The following ADCY10 variants were observed in gnomAD, a reference collection of about 807,000 sequenced individuals.
The protein encoded by ADCY10 is adenylate cyclase 10.
Under a neutral mutation model 183.3 loss-of-function variants are expected in ADCY10, and 156 were observed. The ratio of observed to expected loss-of-function variants is 0.85; its 90% confidence interval spans 0.75 to 0.97. The LOEUF (loss-of-function observed/expected upper bound fraction) is 0.97, where lower values mean the gene tolerates loss of function less well. Ranked by LOEUF, ADCY10 falls within the 50% of genes least tolerant of loss-of-function variation. The probability of loss-of-function intolerance (pLI) is 0.00; values close to 1 mark genes in which losing one functional copy is unlikely to be tolerated. For synonymous variants in ADCY10, 645 were observed against 670.0 expected (o/e 0.96, Z 0.58); for missense variants, 1,745 against 1,934.3 (o/e 0.90, Z 1.84).
chr1:167,843,530 C>G (rs2101955813), intron 21 of ADCY10, among the ~76,000 whole-genome samples: 1 of 152,212 alleles, frequency 6.6e-6, no homozygotes, highest in East Asian at 1.9e-4. Flanking sequence ...GGCAGCGCAT[C>G]TTCTCGGTGC....
intron 9 of ADCY10, among the ~76,000 whole-genome samples, chr1:167,882,540 C>A (rs2102263987): frequency 1.3e-5 from 2 of 150,532 alleles, no homozygotes; most frequent in South Asian, 4.2e-4. Context: ...CAGAGGCAGT[C>A]CCCTCCCTGC....
chr1:167,880,661 T>C (rs1307210891), intron 9 of ADCY10, 52 bp from the exon 10 acceptor site: 1 of 1,385,444 alleles, frequency 7.2e-7, no homozygotes, highest in Non-Finnish European at 1.0e-6. Flanking sequence ...TGCTTTAAAC[T>C]GGACTGGCCA....
intron 13 of ADCY10, among the ~76,000 whole-genome samples, chr1:167,874,273 G>A (rs975954374): frequency 1.3e-5 from 2 of 152,200 alleles, no homozygotes; most frequent in Non-Finnish European, 2.9e-5. Context: ...AGAGGTTGTA[G>A]TGAGCCAAGA....
intron 12 of ADCY10, among the ~76,000 whole-genome samples, chr1:167,876,546 G>A (rs1018527609): frequency 1.3e-5 from 2 of 152,172 alleles, no homozygotes; most frequent in Non-Finnish European, 2.9e-5. Flanking sequence ...CTAAGTTTGT[G>A]TATGTTGGTC....
intron 19 of ADCY10, among the ~76,000 whole-genome samples, chr1:167,848,100 C>G (rs1197278101): frequency 6.6e-6 from 1 of 151,854 alleles, no homozygotes; most frequent in Non-Finnish European, 1.5e-5. Context: ...TGGAGTCTCA[C>G]TCTGTCACCC....
intron 14 of ADCY10, among the ~76,000 whole-genome samples, chr1:167,869,473 C>A (rs1042737496): frequency 6.6e-6 from 1 of 152,140 alleles, no homozygotes; most frequent in Non-Finnish European, 1.5e-5. Context: ...TTGTTTTATA[C>A]TCAGAAAAGG....
intron 1 of ADCY10, among the ~76,000 whole-genome samples, chr1:167,909,401 G>C: frequency 6.6e-6 from 1 of 152,186 alleles, no homozygotes; most frequent in Non-Finnish European, 1.5e-5. Context: ...ATACACAGGA[G>C]TGGAATTGCT....
chr1:167,809,684 A>G lies in ADCY10; in HGVS notation c.4827T>C (p.His1609=), dbSNP rs1257377101. Residue 1609 remains histidine, a synonymous_variant, in exon 33 of 33, where the codon CAT becomes CAC. Transcript: ENST00000367851. ...ATCTTTTTTCTTTGACATGTTAGAAATGATTGTCCACGGTATTAGCTCTCA... is the reference window on the plus strand; with the variant it reads ...ATCTTTTTTCTTTGACATGTTAGAAGTGATTGTCCACGGTATTAGCTCTCA... ...FLMRANTVDN[H]F The G allele has an allele frequency of 1.2e-6, 2 of 1,614,028 alleles. No individual in the cohort carries two copies. The highest frequency in any genetic ancestry group is 1.7e-6 in the Non-Finnish European group (2 of 1,179,986).
chr1:167,875,100 A>T, intron 13 of ADCY10, 31 bp downstream of exon 13: 2 of 1,595,058 alleles, frequency 1.3e-6, no homozygotes, highest in African/African-American at 2.7e-5. Flanking sequence ...TAGTTCAATA[A>T]AGAAGTTTAA....
At chr1:167,812,535 G>A (rs1662284285) in intron 31 of ADCY10, among the ~76,000 whole-genome samples, 1 of 152,132 alleles carries the variant, frequency 6.6e-6, no homozygotes. Context: ...CTGGGGAAGA[G>A]GGAGAATTTG....
At chr1:167,894,096 C>A (rs889295678) in intron 7 of ADCY10, among the ~76,000 whole-genome samples, 155 bp from the exon 8 acceptor site, 1 of 152,106 alleles carries the variant, frequency 6.6e-6, no homozygotes, top group Non-Finnish European at 1.5e-5. Context: ...GCTGAAAGGG[C>A]CAGGGGAAAT....
intron 10 of ADCY10, 94 bp from the exon 11 acceptor site, chr1:167,880,285 A>G (rs1379941422): frequency 8.4e-7 from 1 of 1,194,184 alleles, no homozygotes; most frequent in Non-Finnish European, 1.2e-6. Flanking sequence ...TGGGTTGGGA[A>G]AGGGTGGGAA....
rs139094168 is a variant in ADCY10, at chr1:167,824,846, C to A, written c.3760G>T (p.Ala1254Ser). ...TGGTATAGCGAATAGTCTAGGTAAG[C>A]CTTAATGATCTGAAATGGCAGAGTG... ...ETQNCFQIIKAYLDYSLYHHL... is the reference protein window; with the variant it reads ...ETQNCFQIIKSYLDYSLYHHL... The change falls in exon 27 of 33, where the codon GCT (alanine) becomes TCT (serine). Residue 1254 changes from alanine (A) to serine (S), a missense_variant. Ala to Ser is a moderately conservative substitution (Grantham distance 99). Transcript: ENST00000367851. 3.7e-6 allele frequency: 6 copies of A among 1,614,152 alleles called. No homozygotes were observed. In the South Asian group the frequency reaches 4.4e-5, roughly 12 times the overall value.
At chr1:167,871,551 G>T (rs1272339609) in intron 13 of ADCY10, among the ~76,000 whole-genome samples, 1 of 152,176 alleles carries the variant, frequency 6.6e-6, no homozygotes, top group East Asian at 1.9e-4. Flanking sequence ...TAATTTCTAA[G>T]CAGTGAGCAA....
At position 167,870,260 on chromosome 1, in the gene ADCY10, T is replaced by C; in HGVS notation, c.1613A>G (p.His538Arg). Residue 538 changes from histidine to arginine, a missense_variant, in exon 14 of 33, where the codon CAC becomes CGC. By Grantham distance (29) the His-to-Arg change is conservative (BLOSUM62 0). Coordinates refer to ENST00000367851, the MANE Select transcript of ADCY10 (RefSeq NM_018417.6). ...KIEYLAQGKN[H>R]RIIAISLNKI... Reference sequence around the variant, plus strand: ...ACAATCATTCCAAGACACTCACCTGTGATTCTTACCTTGGGCCAGGTACTC... The same window carrying C: ...ACAATCATTCCAAGACACTCACCTGCGATTCTTACCTTGGGCCAGGTACTC... 3 of 1,614,088 alleles carry C rather than the reference T, an allele frequency of 1.9e-6. No homozygotes were observed. The South Asian group carries it at 3.3e-5, about 18-fold the overall frequency.
chr1:167,884,390 C>T (rs181160319), intron 8 of ADCY10, among the ~76,000 whole-genome samples: 36 of 152,224 alleles, frequency 2.4e-4, no homozygotes, highest in Admixed American at 4.6e-4. Context: ...TTCACTATCA[C>T]GAGAACAGCA....
intron 11 of ADCY10, 43 bp downstream of exon 11, chr1:167,880,072 G>T: frequency 6.5e-7 from 1 of 1,549,298 alleles, no homozygotes; most frequent in Non-Finnish European, 8.9e-7. Flanking sequence ...GCAAGGTGCT[G>T]TGTTTGCAGA....
intron 24 of ADCY10, among the ~76,000 whole-genome samples, chr1:167,833,702 G>C (rs1381595163): frequency 6.8e-6 from 1 of 146,784 alleles, no homozygotes; most frequent in Non-Finnish European, 1.5e-5. Flanking sequence ...CCGATATCAC[G>C]CCACTGTATT....
In ADCY10 at chr1:167,810,678, A is replaced by T. The variant is rs531329946; in HGVS notation, c.4671+47T>A. The T allele has an allele frequency of 7.5e-6, 12 of 1,595,398 alleles. No individual in the cohort carries two copies. The South Asian group carries it at 1.3e-4, about 18-fold the overall frequency. On this transcript the variant is annotated intron_variant, in intron 32 of 32. Transcript: ENST00000367851. ...AGGCAGTAGGCTTCTGGGCTTCTTT[A>T]TATGGGTGAGCATCGCCACCCCGGT...
Sources: allele counts gnomAD v4.1 joint callset (sites outside exome capture counted in the v4.1 genomes callset), GRCh38; gene constraint gnomAD v4.1.1; transcripts MANE v1.5; gene names NCBI Gene and HGNC (gene_info 2026-07-23, HGNC 2026-07-21).